Variants in UBTF observed in about 807,000 individuals in gnomAD.
The protein encoded by UBTF is nucleolar transcription factor 1.
UBTF carries 8 observed loss-of-function variants against 112.3 expected under a neutral mutation model. The ratio of observed to expected loss-of-function variants is 0.07; its 90% CI spans 0.04 to 0.13. The LOEUF (loss-of-function observed/expected upper bound fraction) is 0.13, where lower values mean the gene tolerates loss of function less well. Among genes scored for constraint, UBTF ranks in the 10% least tolerant of loss-of-function variants. UBTF has a pLI of 1.00. For missense variants in UBTF, 457 were observed against 982.1 expected (o/e 0.47, Z 7.15); for synonymous variants, 417 against 373.1 (o/e 1.12, Z -1.36).
chr17:44,211,844 TCGCCCACC>T lies in UBTF; in HGVS notation c.905+21_905+28del. The T allele has an allele frequency of 2.5e-6, 4 of 1,607,430 alleles. No individual in the cohort carries two copies. The highest frequency in any genetic ancestry group is 3.4e-6 in the Non-Finnish European group (4 of 1,176,974). On this transcript the variant is annotated intron_variant, in intron 9 of 20. Transcript: ENST00000436088. The surrounding 1 kb of genome is among the most constrained non-coding windows in gnomAD (Gnocchi z 4.9). ...CCAGCCCAACTTCCCAGCTGCCCAC[TCGCCCACC>T]CATCCCAGGGCAGCGCTCACGGAGG...
chr17:44,208,159 G>T (rs1459080361), intron 17 of UBTF, among the ~76,000 whole-genome samples: 4 of 144,358 alleles, frequency 2.8e-5, no homozygotes. Flanking sequence ...CTGGAGTGCA[G>T]TGGCACAATC....
chr17:44,211,497 T>C lies in UBTF; in HGVS notation c.1047+109A>G, dbSNP rs1345547510. 1.9e-6 allele frequency: 3 copies of C among 1,552,016 alleles called. No individual in the cohort carries two copies. Among genetic ancestry groups the C allele is most frequent in the African/African-American group, 1.4e-5 (1 of 73,888 alleles). ...AAGCCCAGCCCAGCCCCACACTGTA[T>C]TGGAGGCAGGTACCCAAGGCACACG... On this transcript the variant is annotated intron_variant, in intron 10 of 20. Coordinates refer to ENST00000436088, the MANE Select transcript of UBTF (RefSeq NM_014233.4). This position sits in a 1 kb window ranked among gnomAD's most constrained non-coding sequence, Gnocchi z 4.9.
intron 5 of UBTF, among the ~76,000 whole-genome samples, chr17:44,215,193 T>C (rs2046785964): frequency 6.6e-6 from 1 of 152,242 alleles, no homozygotes; most frequent in Non-Finnish European, 1.5e-5. Context: ...GCATCAATAG[T>C]TGTGTCACCC....
chr17:44,214,947 G>A (rs1331077043), intron 5 of UBTF, among the ~76,000 whole-genome samples: 1 of 152,196 alleles, frequency 6.6e-6, no homozygotes, highest in Non-Finnish European at 1.5e-5. Context: ...ATCTCTGGGA[G>A]GGACCTCCTG....
chr17:44,210,216 A>G lies in UBTF; in HGVS notation c.1534T>C (p.Leu512=), dbSNP rs773802826. 6.2e-7 allele frequency: 1 copy of G among 1,614,174 alleles called. No individual in the cohort carries two copies. The highest frequency in any genetic ancestry group is 8.5e-7 in the Non-Finnish European group (1 of 1,180,016). The change falls in exon 15 of 21, where the codon TTG becomes CTG. Residue 512 remains leucine (L), a synonymous_variant. Coordinates refer to ENST00000436088, the MANE Select transcript of UBTF (RefSeq NM_014233.4). ...ARFKNDRVKA[L]KAMEMTWNNM... is the part of the protein sequence containing the mutation. Reference sequence around the variant, plus strand: ...TTCCAGGTCATTTCCATGGCTTTCAAGGCCTTCACCCGGTCATTCTGGGGA... The same window carrying G: ...TTCCAGGTCATTTCCATGGCTTTCAGGGCCTTCACCCGGTCATTCTGGGGA...
intron 8 of UBTF, 142 bp downstream of exon 8, chr17:44,212,202 G>A: frequency 1.4e-6 from 1 of 715,692 alleles, no homozygotes; most frequent in Non-Finnish European, 2.4e-6. Context: ...GGGAAGGTAG[G>A]GGCAGAGGTG....
intron 2 of UBTF, among the ~76,000 whole-genome samples, 178 bp downstream of exon 2, chr17:44,217,994 A>G (rs2046932330): frequency 6.6e-6 from 1 of 152,170 alleles, no homozygotes; most frequent in African/African-American, 2.4e-5. Flanking sequence ...CAGGCCAAAT[A>G]ATTTGGATTC....
At chr17:44,212,048 A>G in intron 8 of UBTF, 42 bp from the exon 9 acceptor site, 1 of 1,393,804 alleles carries the variant, frequency 7.2e-7, no homozygotes, top group Non-Finnish European at 9.7e-7. Context: ...TGGGGTGTGG[A>G]GTTAGCTAGG....
upstream of UBTF, among the ~76,000 whole-genome samples, chr17:44,220,044 G>A (rs374871671): frequency 3.0e-3 from 431 of 144,364 alleles, 5 homozygotes; most frequent in Admixed American, 0.022. Context: ...GGTGCTGGCG[G>A]CGGCGGCGGC....
Position 44,210,300 on chromosome 17 carries a change from C to T in UBTF, c.1515+18G>A. ...CGGGGCTAGAGGCTGCAGTACTACC[C>T]TTTCCCACCCCTGTCACCTTGAAGC... On this transcript the variant is annotated intron_variant, in intron 14 of 20. Transcript: ENST00000436088. 2 of 1,614,264 alleles carry T rather than the reference C, an allele frequency of 1.2e-6. No homozygotes were observed. Among genetic ancestry groups the T allele is most frequent in the Non-Finnish European group, 1.7e-6 (2 of 1,180,040 alleles).
rs1946276469 is a variant in UBTF, at chr17:44,209,246, C to T, written c.1905+106G>A. 9 of 1,192,276 alleles carry T rather than the reference C, an allele frequency of 7.5e-6. No homozygotes were observed. In the Admixed American group the frequency reaches 2.2e-4, roughly 29 times the overall value. 73.9% of individuals were successfully genotyped at this position (1,192,276 alleles called of 1,614,324 possible). On this transcript the variant is annotated intron_variant, in intron 17 of 20. Coordinates refer to ENST00000436088, the MANE Select transcript of UBTF (RefSeq NM_014233.4). ...GGATTGCGAGGGCATGGAATGAAATCATGAATGAGACCAGCCAGCACAAGT... is the reference window on the plus strand; with the variant it reads ...GGATTGCGAGGGCATGGAATGAAATTATGAATGAGACCAGCCAGCACAAGT...
At chr17:44,214,710 G>C (rs1315638791) in intron 5 of UBTF, among the ~76,000 whole-genome samples, 6 of 152,056 alleles carry the variant, frequency 3.9e-5, no homozygotes, top group Non-Finnish European at 7.4e-5. Context: ...TGCCAACCAG[G>C]AAAAAGGGCT....
At chr17:44,214,134 G>A (rs751002202) in intron 5 of UBTF, among the ~76,000 whole-genome samples, 6 of 151,866 alleles carry the variant, frequency 4.0e-5, no homozygotes, top group South Asian at 2.1e-4. Flanking sequence ...TTTCATCCTC[G>A]CGGGCTCACA....
chr17:44,213,287 G>C lies in UBTF; in HGVS notation c.475-5C>G, dbSNP rs370180889. 18 of 1,612,954 alleles carry C rather than the reference G, an allele frequency of 1.1e-5. No individual in the cohort carries two copies. In the African/African-American group the frequency reaches 1.6e-4, roughly 14 times the overall value. ...GAAGTCCTGAATATATTTCATCTGG[G>C]GGGAGGAGGGGATGGGGTCACTCAG... On this transcript the variant is annotated splice_region_variant and splice_polypyrimidine_tract_variant and intron_variant, in intron 5 of 20. Coordinates refer to ENST00000436088, the MANE Select transcript of UBTF (RefSeq NM_014233.4).
At chr17:44,208,888 TA>T in intron 17 of UBTF, 2 of 339,290 alleles carry the variant, frequency 5.9e-6, no homozygotes, top group Non-Finnish European at 1.2e-5. Context: ...TCCTTATTTT[TA>T]AAAGGGTGAT....
At chr17:44,220,553 C>G (rs973594557), upstream of UBTF, among the ~76,000 whole-genome samples, 13 of 152,106 alleles carry the variant, frequency 8.5e-5, no homozygotes, top group Non-Finnish European at 1.6e-4. Context: ...AAAAAAAATC[C>G]CCGTTGCTCT....
At chr17:44,217,021 G>A (rs964366177) in intron 2 of UBTF, among the ~76,000 whole-genome samples, 1 of 152,202 alleles carries the variant, frequency 6.6e-6, no homozygotes, top group Non-Finnish European at 1.5e-5. Flanking sequence ...GAAGAGGGGT[G>A]GAAATGAAGG....
At position 44,211,457 on chromosome 17, in the gene UBTF, A is replaced by G; in HGVS notation, c.1048-126T>C. 6.4e-7 allele frequency: 1 copy of G among 1,562,106 alleles called. No homozygotes were observed. On this transcript the variant is annotated intron_variant, in intron 10 of 20. Transcript: ENST00000436088. This position sits in a 1 kb window ranked among gnomAD's most constrained non-coding sequence, Gnocchi z 4.9. ...GGTGTGGGCTGGACTCCCTGCCTGG[A>G]CGGGCTCAGTTGCTAAGCCCAGCCC...
chr17:44,207,568 C>CTCATCCTCTTCA lies in UBTF; in HGVS notation c.2043_2054dup (p.Asp681_Asp684dup), dbSNP rs777283142. ...CTTCTTCATCCTCGTCCTCGTCATCCTCATCCTCTTCATCATCCTCCTCGG... is the reference window on the plus strand; with the variant it reads ...CTTCTTCATCCTCGTCCTCGTCATCCTCATCCTCTTCATCATCCTCTTCATCATCCTCCTCGG... On this transcript the variant is annotated inframe_insertion, in exon 20 of 21. Transcript: ENST00000436088. The CTCATCCTCTTCA allele has an allele frequency of 2.5e-6, 4 of 1,614,144 alleles. No individual in the cohort carries two copies. The highest frequency in any genetic ancestry group is 1.6e-4 in the Middle Eastern group (1 of 6,062).
Sources: allele counts gnomAD v4.1 joint callset (sites outside exome capture counted in the v4.1 genomes callset), GRCh38; gene constraint gnomAD v4.1.1; non-coding constraint Gnocchi (gnomAD v3.1); transcripts MANE v1.5; gene names NCBI Gene and HGNC (gene_info 2026-07-23, HGNC 2026-07-21).